TNRC18: variants seen among roughly 807,000 people sequenced by gnomAD.
TNRC18 encodes trinucleotide repeat-containing gene 18 protein.
A neutral mutation model predicts 226.7 loss-of-function variants in TNRC18; 69 were observed. The ratio of observed to expected loss-of-function variants is 0.30; its 90% confidence interval spans 0.25 to 0.37. The LOEUF is 0.37. Ranked by LOEUF, TNRC18 falls within the 10% of genes least tolerant of loss-of-function variation. The probability of loss-of-function intolerance (pLI) is 1.00; values close to 1 mark genes in which losing one functional copy is unlikely to be tolerated. For synonymous variants in TNRC18, 2,449 were observed against 1,927.6 expected (o/e 1.27, Z -7.09); for missense variants, 4,754 against 4,256.6 (o/e 1.12, Z -3.25).
In TNRC18 at chr7:5,371,320, C is replaced by T. The variant is rs751486148; in HGVS notation, c.3274G>A (p.Gly1092Arg). The T allele has an allele frequency of 5.6e-5, 86 of 1,539,108 alleles. 1 individual carries two copies. The South Asian group carries it at 7.5e-4, about 13-fold the overall frequency. Reference sequence around the variant, plus strand: ...TGCAGCAGGAAAGGGTAGGGCCTCCCGTAGTGCGGTGGCAGGGCTTGGAAC... The same window carrying T: ...TGCAGCAGGAAAGGGTAGGGCCTCCTGTAGTGCGGTGGCAGGGCTTGGAAC... ...YPFQALPPHYGRPYPFLLQPT... is the reference protein window; with the variant it reads ...YPFQALPPHYRRPYPFLLQPT... Residue 1092 changes from glycine to arginine, a missense_variant, in exon 11 of 30, where the codon GGG (glycine) becomes AGG (arginine). By Grantham distance (125) the Gly-to-Arg change is moderately radical. Transcript: ENST00000430969.
At chr7:5,393,322 C>T (rs1780432985) in intron 3 of TNRC18, among the ~76,000 whole-genome samples, 1 of 152,248 alleles carries the variant, frequency 6.6e-6, no homozygotes, top group South Asian at 2.1e-4. Context: ...GATTCAGATG[C>T]CTTCCCCAGA....
In TNRC18 at chr7:5,313,238, C is replaced by T. The variant is rs1189642890; in HGVS notation, c.7653G>A (p.Gln2551=). 1.5e-5 allele frequency: 23 copies of T among 1,548,844 alleles called. No homozygotes were observed. Among genetic ancestry groups the T allele is most frequent in the Non-Finnish European group, 1.9e-5 (22 of 1,146,708 alleles). ...TGCTCTCGGACTCTTCGGCCCCGTC[C>T]TGCTCAGCCTGGGCCTTGTCTGGGC... The part of the protein sequence containing the change: ...PKSPDKAQAE[Q]DGAEESESSS... The change falls in exon 27 of 30, where the codon CAG becomes CAA. Residue 2551 remains glutamine (Q), a synonymous_variant. Transcript: ENST00000430969.
rs776387328 is a variant in TNRC18 at position 5,388,311 on chromosome 7, C to CGGT, written c.1510_1512dup (p.Thr504dup). ...AAGGGTTTCCATTTATGCTCAGGGC[C>CGGT]GGTGGGCGGGGGGCGCCCGGGCTCC... On this transcript the variant is annotated inframe_insertion, in exon 5 of 30. Transcript: ENST00000430969. 71 of 868,396 alleles carry CGGT rather than the reference C, an allele frequency of 8.2e-5. 2 individuals are homozygous for CGGT. The East Asian group carries it at 2.7e-3, about 34-fold the overall frequency. 53.8% of individuals were successfully genotyped at this position (868,396 alleles called of 1,614,324 possible). A position where few individuals can be genotyped will look rare whatever the true frequency, so the allele number is the denominator to read the frequency against.
At chr7:5,320,258 C>A in intron 24 of TNRC18, 60 bp downstream of exon 24, 1 of 1,389,400 alleles carries the variant, frequency 7.2e-7, no homozygotes, top group South Asian at 1.2e-5. Context: ...TTTTAGTAGC[C>A]AAACAAGTCC....
At chr7:5,417,947 G>A (rs1475106842) in intron 2 of TNRC18, among the ~76,000 whole-genome samples, 1 of 152,182 alleles carries the variant, frequency 6.6e-6, no homozygotes, top group Non-Finnish European at 1.5e-5. Flanking sequence ...CTGTTGCCAA[G>A]CCAGAGTGCT....
At chr7:5,373,172 T>G (rs1369041998) in intron 10 of TNRC18, among the ~76,000 whole-genome samples, 3 of 151,898 alleles carry the variant, frequency 2.0e-5, no homozygotes, top group Admixed American at 1.3e-4. Flanking sequence ...AATAAATAAA[T>G]AAATAGCCAA....
intron 5 of TNRC18, among the ~76,000 whole-genome samples, chr7:5,381,393 C>G (rs1165161412): frequency 6.6e-6 from 1 of 152,162 alleles, no homozygotes; most frequent in Non-Finnish European, 1.5e-5. Flanking sequence ...TTCCCCACCT[C>G]TGGGCCACAC....
At chr7:5,403,200 G>A (rs1781230523) in intron 2 of TNRC18, among the ~76,000 whole-genome samples, 1 of 147,354 alleles carries the variant, frequency 6.8e-6, no homozygotes, top group Non-Finnish European at 1.5e-5. Context: ...TTCACTTGTT[G>A]CCCAGGCTGG....
Position 5,362,913 on chromosome 7 carries a change from C to A in TNRC18, c.4220-88G>T, listed in dbSNP as rs1793213519. 1.5e-5 allele frequency: 20 copies of A among 1,353,126 alleles called. No individual in the cohort carries two copies. The South Asian group carries it at 3.1e-4, about 21-fold the overall frequency. 83.8% of individuals were successfully genotyped at this position (1,353,126 alleles called of 1,614,324 possible). Reference sequence around the variant, plus strand: ...TGCCGAGGCCCAAAGCAAGCGCAGGCCCCAGGCCACACGTGCCCATCCCCC... The same window carrying A: ...TGCCGAGGCCCAAAGCAAGCGCAGGACCCAGGCCACACGTGCCCATCCCCC... On this transcript the variant is annotated intron_variant, in intron 11 of 29. Coordinates refer to ENST00000430969, the MANE Select transcript of TNRC18 (RefSeq NM_001080495.3).
intron 16 of TNRC18, 84 bp downstream of exon 16, chr7:5,356,830 CGG>C (rs59857141): frequency 5.9e-5 from 48 of 807,062 alleles, no homozygotes; most frequent in Middle Eastern, 3.8e-4. Flanking sequence ...GAGTGAGGGG[CGG>C]GGGGGGAAGG....
Position 5,374,065 on chromosome 7 carries a change from G to A in TNRC18, c.3219C>T (p.Ala1073=). The change falls in exon 10 of 30, where the codon GCC becomes GCT. Residue 1073 remains alanine, a synonymous_variant. Transcript: ENST00000430969. The part of the protein sequence containing the change: ...LEKEAPSPFQ[A]LFSDIPPRYP... Reference sequence around the variant, plus strand: ...TCAGCTGCATCCTACCTGAGAACAGGGCCTGGAAGGGGCTGGGGGCTTCCT... The same window carrying A: ...TCAGCTGCATCCTACCTGAGAACAGAGCCTGGAAGGGGCTGGGGGCTTCCT... 6.4e-7 allele frequency: 1 copy of A among 1,569,562 alleles called. No homozygotes were observed. Among genetic ancestry groups the A allele is most frequent in the Non-Finnish European group, 8.6e-7 (1 of 1,161,464 alleles).
intron 18 of TNRC18, among the ~76,000 whole-genome samples, chr7:5,336,559 T>C (rs1790136655): frequency 6.7e-6 from 1 of 148,796 alleles, no homozygotes; most frequent in African/African-American, 2.4e-5. Flanking sequence ...CTGGGCAACA[T>C]AGCAAGACTC....
chr7:5,332,815 C>T lies in TNRC18; in HGVS notation c.5954G>A (p.Gly1985Glu). 6.6e-7 allele frequency: 1 copy of T among 1,509,282 alleles called. No individual in the cohort carries two copies. Among genetic ancestry groups the T allele is most frequent in the Non-Finnish European group, 8.8e-7 (1 of 1,137,444 alleles). 93.5% of individuals were successfully genotyped at this position (1,509,282 alleles called of 1,614,324 possible). ...CAGGTCGTCGTCGCTGGCCTCGGGC[C>T]CCGCCTCGAAGCCAGGCTCCTTGGG... Reference protein sequence around the residue: ...RGPKEPGFEAGPEASDDDLWT... With the variant: ...RGPKEPGFEAEPEASDDDLWT... The change falls in exon 19 of 30, where the codon GGG becomes GAG. Residue 1985 changes from glycine to glutamate, a missense_variant. Gly to Glu is a moderately conservative substitution (Grantham distance 98, BLOSUM62 -2). Transcript: ENST00000430969.
intron 2 of TNRC18, among the ~76,000 whole-genome samples, chr7:5,419,014 C>T (rs544292531): frequency 2.6e-5 from 4 of 152,340 alleles, no homozygotes; most frequent in African/African-American, 9.6e-5. Flanking sequence ...CGGCAGCTGT[C>T]CTCCTGCTGT....
chr7:5,387,918 G>A lies in TNRC18; in HGVS notation c.1906C>T (p.Arg636Cys), dbSNP rs748598951. ...GCAGGGCCTCCGGAGTGTGGGAGAC[G>A]GGCCTGGGCTCGGGAGGCACCCGCA... ...TSAGASRAQA[R>C]LPHSGGPAAG... Residue 636 changes from arginine to cysteine, a missense_variant, in exon 5 of 30, where the codon CGT (arginine) becomes TGT (cysteine). Coordinates refer to ENST00000430969, the MANE Select transcript of TNRC18 (RefSeq NM_001080495.3). 6.3e-6 allele frequency: 10 copies of A among 1,594,286 alleles called. No homozygotes were observed. The East Asian group carries it at 1.8e-4, about 29-fold the overall frequency.
intron 5 of TNRC18, among the ~76,000 whole-genome samples, chr7:5,383,592 G>A (rs1329578825): frequency 2.6e-5 from 4 of 152,204 alleles, no homozygotes; most frequent in Non-Finnish European, 4.4e-5. Flanking sequence ...CAAAAAGCAA[G>A]AGACTGGGGC....
intron 10 of TNRC18, 37 bp downstream of exon 10, chr7:5,374,018 G>A (rs140451600): frequency 3.4e-4 from 497 of 1,459,796 alleles, no homozygotes; most frequent in Non-Finnish European, 4.3e-4. Context: ...CGCTCCAGGG[G>A]CAGAGTGAGA....
chr7:5,402,073 G>A (rs1241793501), intron 2 of TNRC18, among the ~76,000 whole-genome samples: 3 of 151,866 alleles, frequency 2.0e-5, no homozygotes, highest in African/African-American at 4.8e-5. Flanking sequence ...CAGCTACTCC[G>A]GAGGCTGAGG....
chr7:5,332,790 C>T lies in TNRC18; in HGVS notation c.5979G>A (p.Leu1993=), dbSNP rs1471432434. 2.6e-6 allele frequency: 4 copies of T among 1,513,908 alleles called. No individual in the cohort carries two copies. Among genetic ancestry groups the T allele is most frequent in the East Asian group, 5.2e-5 (2 of 38,792 alleles). The allele number at this position is 1,513,908 out of a possible 1,614,324, so 93.8% of individuals were successfully genotyped here. Residue 1993 remains leucine (L), a synonymous_variant, in exon 19 of 30, where the codon CTG becomes CTA. Coordinates refer to ENST00000430969, the MANE Select transcript of TNRC18 (RefSeq NM_001080495.3). ...EAGPEASDDD[L]WTRRRSERIF... ...TGCGCTCGCTGCGGCGCCGCGTCCA[C>T]AGGTCGTCGTCGCTGGCCTCGGGCC...
Sources: gnomAD v4.1 joint callset for allele counts (sites outside exome capture counted in the v4.1 genomes callset) on GRCh38, gnomAD v4.1.1 for gene constraint, MANE v1.5 for transcripts, NCBI Gene and HGNC (gene_info 2026-07-23, HGNC 2026-07-21) for gene names.